The following CNTFR variants were observed in gnomAD, a reference collection of about 807,000 sequenced individuals.
CNTFR encodes the protein ciliary neurotrophic factor receptor subunit alpha.
In CNTFR, 12 loss-of-function variants were observed where a neutral mutation model predicts 40.4. That is an observed-to-expected ratio of 0.30 (90% CI 0.19 to 0.48). CNTFR has a LOEUF of 0.48. Ranked by LOEUF, CNTFR falls within the 20% of genes least tolerant of loss-of-function variation. The pLI, the probability that CNTFR is intolerant of heterozygous loss-of-function variation, is 0.99. For missense variants in CNTFR, 414 were observed against 506.8 expected, an observed-to-expected ratio of 0.82 and a Z score of 1.76; for synonymous variants, 202 against 209.6, an observed-to-expected ratio of 0.96 and a Z score of 0.31.
In CNTFR at chr9:34,552,795, G is replaced by C; in HGVS notation, c.828C>G (p.Tyr276Ter). 1 of 1,613,776 alleles carries C rather than the reference G, an allele frequency of 6.2e-7. No individual in the cohort carries two copies. The highest frequency in any genetic ancestry group is 8.5e-7 in the Non-Finnish European group (1 of 1,179,922). Reference sequence around the variant, plus strand: ...TGTCCTTGGCTGCCACCTGGATAATGTACTCCTTCCCGGCGTAGGCATCTG... The same window carrying C: ...TGTCCTTGGCTGCCACCTGGATAATCTACTCCTTCCCGGCGTAGGCATCTG... ...TITDAYAGKEYIIQVAAKDNE... is the reference protein window; with the variant it reads ...TITDAYAGKE Residue 276 changes from tyrosine (Y) to a stop codon, truncating the protein, a stop_gained, in exon 8 of 10, where the codon TAC becomes TAG. Transcript: ENST00000378980. LOFTEE classifies it high-confidence loss of function. This position sits in a 1 kb window ranked among gnomAD's most constrained non-coding sequence, Gnocchi z 5.1.
chr9:34,558,198 G>A (rs1246438010), intron 4 of CNTFR, among the ~76,000 whole-genome samples: 3 of 152,246 alleles, frequency 2.0e-5, no homozygotes, highest in Middle Eastern at 6.8e-3. Flanking sequence ...GTGCGGACAC[G>A]GAACCCCCCC....
intron 2 of CNTFR, among the ~76,000 whole-genome samples, chr9:34,580,475 C>T (rs1331402384): frequency 1.3e-5 from 2 of 152,228 alleles, no homozygotes; most frequent in Non-Finnish European, 2.9e-5. Flanking sequence ...CCCCCTCAGC[C>T]CCCAGCCGGG....
At position 34,557,723 on chromosome 9, in the gene CNTFR, C is replaced by T. The variant is rs1222584178; in HGVS notation, c.438-31G>A. On this transcript the variant is annotated intron_variant, in intron 5 of 9. Transcript: ENST00000378980. This position sits in a 1 kb window ranked among gnomAD's most constrained non-coding sequence, Gnocchi z 4.2. ...GAGAGGTGAGACCCAGGCACTGTTACGAACATCAAGGGTCAGGTGGGGCAG... is the reference window on the plus strand; with the variant it reads ...GAGAGGTGAGACCCAGGCACTGTTATGAACATCAAGGGTCAGGTGGGGCAG... 18 of 1,613,480 alleles carry T rather than the reference C, an allele frequency of 1.1e-5. No homozygotes were observed. Among genetic ancestry groups the T allele is most frequent in the African/African-American group, 4.0e-5 (3 of 74,976 alleles).
chr9:34,584,192 G>T (rs530173670), intron 1 of CNTFR, among the ~76,000 whole-genome samples: 1 of 152,178 alleles, frequency 6.6e-6, no homozygotes, highest in Non-Finnish European at 1.5e-5. Context: ...GACATCAGTT[G>T]TATCTCCAGA....
intron 3 of CNTFR, among the ~76,000 whole-genome samples, chr9:34,566,191 C>T (rs1319431285): frequency 6.6e-6 from 1 of 152,072 alleles, no homozygotes; most frequent in Non-Finnish European, 1.5e-5. Flanking sequence ...CTTTGCTCTG[C>T]ACTGGAACAT....
intron 1 of CNTFR, among the ~76,000 whole-genome samples, chr9:34,585,930 G>C (rs10118547): frequency 0.054 from 8,213 of 152,190 alleles, 767 homozygotes; most frequent in African/African-American, 0.19. Flanking sequence ...ACTTCAACTC[G>C]CCATGGGGGG....
intron 2 of CNTFR, among the ~76,000 whole-genome samples, chr9:34,578,709 G>A (rs1406202599): frequency 1.4e-4 from 21 of 152,348 alleles, no homozygotes; most frequent in Admixed American, 1.3e-3. Context: ...ATTCTGCCCT[G>A]TGAGGATAAA....
chr9:34,577,844 AAG>A (rs1196239698), intron 2 of CNTFR, among the ~76,000 whole-genome samples: 2 of 151,958 alleles, frequency 1.3e-5, no homozygotes, highest in East Asian at 1.9e-4. Flanking sequence ...AAGAGAAAAG[AAG>A]AGAGACAGCT....
chr9:34,578,604 G>A (rs1827117699), intron 2 of CNTFR, among the ~76,000 whole-genome samples: 2 of 152,212 alleles, frequency 1.3e-5, no homozygotes, highest in Non-Finnish European at 2.9e-5. Context: ...CCTCCTCCCG[G>A]GGTGACCGCC....
chr9:34,583,999 G>A (rs938682704), intron 1 of CNTFR, among the ~76,000 whole-genome samples: 1 of 152,216 alleles, frequency 6.6e-6, no homozygotes, highest in Admixed American at 6.5e-5. Context: ...GCTATAAAAG[G>A]GAGTCTTAAG....
In CNTFR at chr9:34,557,798, GC is replaced by G. The variant is rs1825909535; in HGVS notation, c.437+68del. ...GGCAGGGCTGGGGTATGGACAGAGGGCATGGTGGTGGGATGGGGGAGAGGTC... is the reference window on the plus strand; with the variant it reads ...GGCAGGGCTGGGGTATGGACAGAGGGATGGTGGTGGGATGGGGGAGAGGTC... On this transcript the variant is annotated intron_variant, in intron 5 of 9. Transcript: ENST00000378980. This position sits in a 1 kb window ranked among gnomAD's most constrained non-coding sequence, Gnocchi z 4.2. 2.3e-5 allele frequency: 36 copies of G among 1,547,136 alleles called. No individual in the cohort carries two copies. The South Asian group carries it at 4.1e-4, about 18-fold the overall frequency.
At chr9:34,566,960 G>A (rs577482715) in intron 3 of CNTFR, among the ~76,000 whole-genome samples, 4 of 152,236 alleles carry the variant, frequency 2.6e-5, no homozygotes, top group South Asian at 4.2e-4. Flanking sequence ...AGAAGACAAC[G>A]ACAGGCCACA....
Position 34,587,113 on chromosome 9 carries a change from G to A in CNTFR, c.-112+2442C>T, listed in dbSNP as rs55855155. Among the ~76,000 whole-genome samples the A allele has an allele frequency of 2.5e-3, 387 of 152,300 alleles. 2 individuals are homozygous for A. The highest frequency in any genetic ancestry group is 8.9e-3 in the African/African-American group (369 of 41,570). ...TGAGTATGAGCCCAGGTCTCAGCAC[G>A]CATCTGACTGTAAACCCCAGTGGGT... On this transcript the variant is annotated intron_variant, in intron 1 of 9. Coordinates refer to ENST00000378980, the MANE Select transcript of CNTFR (RefSeq NM_147164.3).
chr9:34,585,729 A>G (rs1827510191), intron 1 of CNTFR, among the ~76,000 whole-genome samples: 1 of 152,140 alleles, frequency 6.6e-6, no homozygotes, highest in Admixed American at 6.5e-5. Flanking sequence ...TTGGTCACCC[A>G]GGGCCACAGG....
intron 1 of CNTFR, among the ~76,000 whole-genome samples, chr9:34,585,809 A>C (rs1827513777): frequency 6.6e-6 from 1 of 152,138 alleles, no homozygotes; most frequent in African/African-American, 2.4e-5. Flanking sequence ...GTCAGTTCTC[A>C]CTTCTCAGGC....
In CNTFR at chr9:34,557,444, T is replaced by C; in HGVS notation, c.604+82A>G. The C allele has an allele frequency of 4.7e-6, 7 of 1,491,334 alleles. No homozygotes were observed. Among genetic ancestry groups the C allele is most frequent in the South Asian group, 2.5e-5 (2 of 80,788 alleles). The allele number at this position is 1,491,334 out of a possible 1,614,324, so 92.4% of individuals were successfully genotyped here. A position where few individuals can be genotyped will look rare whatever the true frequency, so the allele number is the denominator to read the frequency against. On this transcript the variant is annotated intron_variant, in intron 6 of 9. Coordinates refer to ENST00000378980, the MANE Select transcript of CNTFR (RefSeq NM_147164.3). The surrounding 1 kb of genome is among the most constrained non-coding windows in gnomAD (Gnocchi z 4.2). ...CATGCCATGTATACATGTGCATGCA[T>C]GTGGACATCCCCACCAATGGCACAC...
chr9:34,566,142 C>T (rs893129649), intron 3 of CNTFR, among the ~76,000 whole-genome samples: 2 of 151,952 alleles, frequency 1.3e-5, no homozygotes, highest in African/African-American at 4.8e-5. Flanking sequence ...GACCCACTGG[C>T]CACCCCCTCC....
intron 3 of CNTFR, among the ~76,000 whole-genome samples, chr9:34,566,373 G>GC (rs1376695710): frequency 6.6e-6 from 1 of 152,212 alleles, no homozygotes; most frequent in Non-Finnish European, 1.5e-5. Flanking sequence ...CCTGGGACCA[G>GC]CCGAACAGAC....
chr9:34,568,801 G>C, intron 3 of CNTFR, 96 bp downstream of exon 3: 1 of 1,107,616 alleles, frequency 9.0e-7, no homozygotes, highest in Non-Finnish European at 1.3e-6. Flanking sequence ...ATGCCAGTGT[G>C]TGACTCTTGG....
Sources: gnomAD v4.1 joint callset for allele counts (sites outside exome capture counted in the v4.1 genomes callset) on GRCh38, gnomAD v4.1.1 for gene constraint, Gnocchi (gnomAD v3.1) non-coding constraint, MANE v1.5 for transcripts, NCBI Gene and HGNC (gene_info 2026-07-23, HGNC 2026-07-21) for gene names.